PRLR: variants seen among roughly 807,000 people sequenced by gnomAD.
The protein encoded by PRLR is hPRL receptor.
A neutral mutation model predicts 40.2 loss-of-function variants in PRLR; 13 were observed. The observed-to-expected ratio is 0.32, with a 90% CI of 0.21 to 0.51. The LOEUF (loss-of-function observed/expected upper bound fraction) is 0.51. Among genes scored for constraint, PRLR ranks in the 20% least tolerant of loss-of-function variants. The pLI is 0.97. For synonymous variants in PRLR, 269 were observed against 278.7 expected (o/e 0.97, Z 0.35); for missense variants, 656 against 747.3 (o/e 0.88, Z 1.42).
rs1579552101 is a variant in PRLR, at chr5:35,061,938, C to A, written c.*3151G>T. 6.6e-6 allele frequency: 1 copy of A among 152,076 alleles called. No individual in the cohort carries two copies. The highest frequency in any genetic ancestry group is 1.5e-5 in the Non-Finnish European group (1 of 68,010). The allele number at this position is 152,076 out of a possible 1,614,324, so 9.4% of individuals were successfully genotyped here. On this transcript the variant is annotated 3_prime_UTR_variant, in exon 10 of 10. Transcript: ENST00000618457. ...AGCATGGCTTGATTCAGTAAAAGAT[C>A]ATTTTTCTAAAGATTAGTGCCTCAT...
At chr5:35,214,685 A>G (rs2111652652) in intron 1 of PRLR, among the ~76,000 whole-genome samples, 1 of 152,354 alleles carries the variant, frequency 6.6e-6, no homozygotes, top group South Asian at 2.1e-4. Context: ...GATGTGTAAC[A>G]GTGGGAGAAA....
intron 1 of PRLR, among the ~76,000 whole-genome samples, chr5:35,200,313 CT>C (rs2111604155): frequency 6.6e-6 from 1 of 152,316 alleles, no homozygotes; most frequent in East Asian, 1.9e-4. Flanking sequence ...TCTATCGTGG[CT>C]ACATGCTGCC....
Position 35,062,849 on chromosome 5 carries a change from A to G in PRLR, c.*2240T>C, listed in dbSNP as rs1329999846. 6.6e-6 allele frequency: 1 copy of G among 152,208 alleles called. No individual in the cohort carries two copies. Among genetic ancestry groups the G allele is most frequent in the African/African-American group, 2.4e-5 (1 of 41,458 alleles). The allele number at this position is 152,208 out of a possible 1,614,324, so 9.4% of individuals were successfully genotyped here. ...AGATTCAGCATAATGTGAATCTTAA[A>G]CTACTGATATGTTTCTTTTTTTGCC... On this transcript the variant is annotated 3_prime_UTR_variant, in exon 10 of 10. Transcript: ENST00000618457.
At chr5:35,154,500 T>C (rs1774429846) in intron 1 of PRLR, among the ~76,000 whole-genome samples, 1 of 152,080 alleles carries the variant, frequency 6.6e-6, no homozygotes, top group Admixed American at 6.5e-5. Flanking sequence ...CTGACTCTAG[T>C]GAGGTTGCAG....
At chr5:35,144,200 C>A (rs1006775154) in intron 1 of PRLR, among the ~76,000 whole-genome samples, 18 of 149,976 alleles carry the variant, frequency 1.2e-4, no homozygotes, top group African/African-American at 4.4e-4. Context: ...TCTTTTGTTT[C>A]ATGCTTAAGA....
chr5:35,195,211 GC>G (rs1775703729), intron 1 of PRLR: 1 of 152,330 alleles, frequency 6.6e-6, no homozygotes, highest in African/African-American at 2.4e-5. Context: ...TGCCAAAGCA[GC>G]CTCCTTGTCT....
intron 5 of PRLR, among the ~76,000 whole-genome samples, chr5:35,083,956 T>C (rs914526018): frequency 5.9e-5 from 9 of 152,050 alleles, no homozygotes; most frequent in East Asian, 1.9e-4. Flanking sequence ...TATATATATA[T>C]ACACACACAC....
intron 1 of PRLR, among the ~76,000 whole-genome samples, chr5:35,133,501 A>T (rs1368142812): frequency 6.6e-6 from 1 of 152,094 alleles, no homozygotes; most frequent in Non-Finnish European, 1.5e-5. Context: ...AGACTTTCTT[A>T]GCAGCCAAAT....
At chr5:35,168,143 AG>A (rs1360448912) in intron 1 of PRLR, among the ~76,000 whole-genome samples, 1 of 151,926 alleles carries the variant, frequency 6.6e-6, no homozygotes, top group Non-Finnish European at 1.5e-5. Context: ...TAATGATAAA[AG>A]GGTCAATTCA....
intron 1 of PRLR, among the ~76,000 whole-genome samples, chr5:35,123,256 A>C (rs539092571): frequency 1.3e-5 from 2 of 152,332 alleles, no homozygotes; most frequent in South Asian, 4.1e-4. Context: ...ATGGCTAAAA[A>C]ACAGAAAGAC....
At chr5:35,076,461 T>C (rs1474348064) in intron 5 of PRLR, among the ~76,000 whole-genome samples, 1 of 151,856 alleles carries the variant, frequency 6.6e-6, no homozygotes, top group Non-Finnish European at 1.5e-5. Context: ...GAAGATAAAA[T>C]GAATGAAATG....
chr5:35,137,497 T>C (rs946970612), intron 1 of PRLR, among the ~76,000 whole-genome samples: 30 of 152,220 alleles, frequency 2.0e-4, no homozygotes, highest in African/African-American at 6.8e-4. Flanking sequence ...GGTCCAGCGT[T>C]CCTAGAAATC....
At chr5:35,086,524 C>T (rs2112463282) in intron 3 of PRLR, among the ~76,000 whole-genome samples, 184 bp from the exon 4 acceptor site, 1 of 151,850 alleles carries the variant, frequency 6.6e-6, no homozygotes, top group South Asian at 2.1e-4. Context: ...TGTGGGCTGC[C>T]CTGATGTTGG....
chr5:35,210,540 T>A (rs1776144273), intron 1 of PRLR, among the ~76,000 whole-genome samples: 1 of 152,208 alleles, frequency 6.6e-6, no homozygotes, highest in Non-Finnish European at 1.5e-5. Context: ...CAAGGGTAGA[T>A]CTTCCCAGAT....
chr5:35,094,824 CTTT>C (rs143791323), intron 2 of PRLR, among the ~76,000 whole-genome samples: 6 of 113,978 alleles, frequency 5.3e-5, no homozygotes, highest in Admixed American at 9.0e-5. Context: ...AGGAGTTGGG[CTTT>C]TTTTTTTTTT....
intron 1 of PRLR, among the ~76,000 whole-genome samples, chr5:35,174,159 G>A (rs757972189): frequency 2.0e-5 from 3 of 150,944 alleles, no homozygotes; most frequent in South Asian, 4.2e-4. Flanking sequence ...GCGCGATCTC[G>A]GCTCACTGCA....
chr5:35,098,060 T>A (rs1579639464), intron 2 of PRLR, among the ~76,000 whole-genome samples: 1 of 152,312 alleles, frequency 6.6e-6, no homozygotes, highest in South Asian at 2.1e-4. Context: ...GCCATAGGAT[T>A]GCATATTCCT....
At chr5:35,186,839 A>C (rs1480744105) in intron 1 of PRLR, among the ~76,000 whole-genome samples, 2 of 152,218 alleles carry the variant, frequency 1.3e-5, no homozygotes, top group Admixed American at 6.5e-5. Context: ...AGGAAGATGA[A>C]TACTACTCTT....
chr5:35,050,358 C>T (rs1449260093), intron 8 of PRLR, among the ~76,000 whole-genome samples: 2 of 152,200 alleles, frequency 1.3e-5, no homozygotes, highest in Non-Finnish European at 2.9e-5. Context: ...AGATCCTACC[C>T]TACCTTCACA....
Sources: allele counts gnomAD v4.1 joint callset (sites outside exome capture counted in the v4.1 genomes callset), GRCh38; gene constraint gnomAD v4.1.1; transcripts MANE v1.5; gene names NCBI Gene and HGNC (gene_info 2026-07-23, HGNC 2026-07-21).